ANTXR1: variants seen among roughly 807,000 people sequenced by gnomAD.
ANTXR1 encodes ANTXR cell adhesion molecule 1, also known as anthrax toxin receptor 1.
A neutral mutation model predicts 78.1 loss-of-function variants in ANTXR1; 19 were observed. The observed-to-expected ratio is 0.24, with a 90% CI of 0.17 to 0.36. The LOEUF is 0.36. ANTXR1 is among the 10% of genes least tolerant of loss of function. The probability of loss-of-function intolerance (pLI) is 1.00; values close to 1 mark genes in which losing one functional copy is unlikely to be tolerated. For missense variants in ANTXR1, 518 were observed against 718.6 expected, an observed-to-expected ratio of 0.72 and a Z score of 3.19; for synonymous variants, 273 against 260.5, an observed-to-expected ratio of 1.05 and a Z score of -0.46.
At chr2:69,119,954 T>A (rs1021199791) in intron 10 of ANTXR1, among the ~76,000 whole-genome samples, 4 of 152,250 alleles carry the variant, frequency 2.6e-5, no homozygotes, top group Admixed American at 2.0e-4. Context: ...GCATGCAACA[T>A]GCGCTGGCAA....
At chr2:69,167,540 T>C (rs985243902) in intron 13 of ANTXR1, among the ~76,000 whole-genome samples, 2 of 152,216 alleles carry the variant, frequency 1.3e-5, no homozygotes, top group African/African-American at 4.8e-5. Context: ...CTTTACTGCT[T>C]GGAATTCTCA....
chr2:69,193,566 A>G, intron 17 of ANTXR1, 151 bp downstream of exon 17: 1 of 710,332 alleles, frequency 1.4e-6, no homozygotes, highest in South Asian at 1.6e-5. Context: ...ATAACTCCAG[A>G]TTTACAAATC....
At chr2:69,125,510 G>A (rs1672504197) in intron 12 of ANTXR1, among the ~76,000 whole-genome samples, 1 of 152,174 alleles carries the variant, frequency 6.6e-6, no homozygotes, top group African/African-American at 2.4e-5. Context: ...AGCTCAGCCT[G>A]TCAGGGGGCA....
intron 17 of ANTXR1, among the ~76,000 whole-genome samples, chr2:69,220,724 G>A (rs1675298160): frequency 6.6e-6 from 1 of 152,198 alleles, no homozygotes; most frequent in African/African-American, 2.4e-5. Context: ...AGTCAACTCT[G>A]CTCTGTGCAG....
intron 17 of ANTXR1, among the ~76,000 whole-genome samples, chr2:69,240,453 G>A (rs1376244929): frequency 2.6e-5 from 4 of 152,258 alleles, no homozygotes; most frequent in African/African-American, 7.2e-5. Context: ...TCAATTGAAA[G>A]CCATAAGCAC....
At chr2:69,080,052 T>G (rs1472538093) in intron 8 of ANTXR1, among the ~76,000 whole-genome samples, 1 of 152,230 alleles carries the variant, frequency 6.6e-6, no homozygotes, top group African/African-American at 2.4e-5. Context: ...AAAACTAATT[T>G]GAGACTTTAG....
chr2:69,146,077 C>A, intron 12 of ANTXR1: 1 of 985,434 alleles, frequency 1.0e-6, no homozygotes, highest in Non-Finnish European at 1.2e-6. Flanking sequence ...AGAATGTCAT[C>A]CCTAATGACA....
At position 69,072,983 on chromosome 2, in the gene ANTXR1, A is replaced by G. The variant is rs775780859; in HGVS notation, c.413-39A>G. 1.1e-5 allele frequency: 18 copies of G among 1,593,912 alleles called. No homozygotes were observed. In the Admixed American group the frequency reaches 3.0e-4, roughly 27 times the overall value. The stretch of plus-strand genomic sequence containing the variant: ...ACTGAGAGGGTGTTTCCTTGGGTGG[A>G]GCAGGGTGGACTGAGCCAGTCTGTA... On this transcript the variant is annotated intron_variant, in intron 5 of 17. Transcript: ENST00000303714.
At chr2:69,212,767 T>A (rs1361704049) in intron 17 of ANTXR1, among the ~76,000 whole-genome samples, 1 of 151,972 alleles carries the variant, frequency 6.6e-6, no homozygotes, top group African/African-American at 2.4e-5. Flanking sequence ...TCCTCCTACC[T>A]CTGCCTCCCA....
At chr2:69,133,201 A>G (rs1255275248) in intron 12 of ANTXR1, among the ~76,000 whole-genome samples, 1 of 152,168 alleles carries the variant, frequency 6.6e-6, no homozygotes, top group Non-Finnish European at 1.5e-5. Flanking sequence ...ACTCTATCCC[A>G]TGAGTGTATT....
intron 17 of ANTXR1, among the ~76,000 whole-genome samples, chr2:69,222,830 C>T (rs139081375): frequency 3.3e-5 from 5 of 152,330 alleles, no homozygotes; most frequent in Non-Finnish European, 7.3e-5. Flanking sequence ...GGTGTATAAA[C>T]CACTTTCGCA....
chr2:69,227,223 G>C (rs894155460), intron 17 of ANTXR1, among the ~76,000 whole-genome samples: 5 of 152,198 alleles, frequency 3.3e-5, no homozygotes, highest in African/African-American at 1.2e-4. Context: ...TCAGGGTTTT[G>C]ACTACTGTCT....
chr2:69,065,424 C>CAAA (rs34601328), intron 3 of ANTXR1, among the ~76,000 whole-genome samples: 5,346 of 66,626 alleles, frequency 0.08, 240 homozygotes, highest in Admixed American at 0.14. Context: ...GACTCCGTCT[C>CAAA]AAAAAAAAAA....
rs560588752 is a variant in ANTXR1, at chr2:69,103,029, A to G, written c.802+89A>G. ...CTTGTCTTCCAGCAAGGCCACACAC[A>G]TGAAACCAGCAGAAAAGAGTCTTAT... is the stretch of plus-strand genomic sequence containing the variant. On this transcript the variant is annotated intron_variant, in intron 10 of 17. Transcript: ENST00000303714. The G allele has an allele frequency of 5.5e-6, 7 of 1,268,700 alleles. No individual in the cohort carries two copies. The African/African-American group carries it at 5.9e-5, about 11-fold the overall frequency. 78.6% of individuals were successfully genotyped at this position (1,268,700 alleles called of 1,614,324 possible).
intron 3 of ANTXR1, among the ~76,000 whole-genome samples, chr2:69,048,294 C>T (rs1638282825): frequency 6.6e-6 from 1 of 152,078 alleles, no homozygotes; most frequent in African/African-American, 2.4e-5. Flanking sequence ...CCTACTAGTA[C>T]ACTGAATGTC....
chr2:69,022,873 G>C (rs1671234849), intron 1 of ANTXR1, among the ~76,000 whole-genome samples: 1 of 152,212 alleles, frequency 6.6e-6, no homozygotes, highest in Non-Finnish European at 1.5e-5. Context: ...ACAATATGAA[G>C]GCAGAAGAGC....
At chr2:69,164,252 G>C (rs1673763898) in intron 13 of ANTXR1, among the ~76,000 whole-genome samples, 1 of 152,222 alleles carries the variant, frequency 6.6e-6, no homozygotes. Flanking sequence ...ACTCTGATTA[G>C]ATTCCCATGA....
intron 14 of ANTXR1, among the ~76,000 whole-genome samples, chr2:69,180,231 A>G (rs966283843): frequency 1.3e-5 from 2 of 152,208 alleles, no homozygotes; most frequent in African/African-American, 4.8e-5. Context: ...CATCCCACGC[A>G]GTGGTGCCCT....
At chr2:69,079,322 T>C (rs565695256) in intron 8 of ANTXR1, among the ~76,000 whole-genome samples, 4 of 152,234 alleles carry the variant, frequency 2.6e-5, no homozygotes, top group African/African-American at 7.2e-5. Flanking sequence ...ACATGATTAA[T>C]AGCAGGACTG....
Sources: allele counts gnomAD v4.1 joint callset (sites outside exome capture counted in the v4.1 genomes callset), GRCh38; gene constraint gnomAD v4.1.1; transcripts MANE v1.5; gene names NCBI Gene and HGNC (gene_info 2026-07-23, HGNC 2026-07-21).